The following ALG9 variants were observed in gnomAD, a reference collection of about 807,000 sequenced individuals.
ALG9 encodes the protein alpha-1,2-mannosyltransferase ALG9.
A neutral mutation model predicts 81.8 loss-of-function variants in ALG9; 55 were observed. The observed-to-expected ratio is 0.67, with a 90% CI of 0.54 to 0.84. ALG9 has a LOEUF of 0.84. ALG9 is among the 40% of genes least tolerant of loss of function. ALG9 has a pLI of 0.00. For synonymous variants in ALG9, 278 were observed against 274.3 expected (o/e 1.01, Z -0.13); for missense variants, 629 against 745.0 (o/e 0.84, Z 1.81).
At chr11:111,840,340 T>C (rs1956028671) in intron 10 of ALG9, among the ~76,000 whole-genome samples, 1 of 152,206 alleles carries the variant, frequency 6.6e-6, no homozygotes, top group Admixed American at 6.5e-5. Context: ...CAAGTTTTGT[T>C]ATGATCTAGC....
intron 14 of ALG9, among the ~76,000 whole-genome samples, chr11:111,801,020 T>C (rs563965487): frequency 6.6e-6 from 1 of 152,364 alleles, no homozygotes; most frequent in Non-Finnish European, 1.5e-5. Flanking sequence ...CCTTTTTCTT[T>C]TCTCAGAAAG....
Position 111,870,382 on chromosome 11 carries a change from C to T in ALG9, c.132-12G>A, listed in dbSNP as rs546089281. 17 of 973,964 alleles carry T rather than the reference C, an allele frequency of 1.7e-5. No homozygotes were observed. The highest frequency in any genetic ancestry group is 2.0e-5 in the Non-Finnish European group (16 of 803,392). 60.3% of individuals were successfully genotyped at this position (973,964 alleles called of 1,614,324 possible). Reference sequence around the variant, plus strand: ...TGTTCCCAGATAACCTGTTCAAAAGCAAAAAAAAAAAAAAAAAAAAAAGCA... The same window carrying T: ...TGTTCCCAGATAACCTGTTCAAAAGTAAAAAAAAAAAAAAAAAAAAAAGCA... On this transcript the variant is annotated splice_polypyrimidine_tract_variant and intron_variant, in intron 1 of 14. Transcript: ENST00000616540.
At position 111,786,528 on chromosome 11, in the gene ALG9, A is replaced by G; in HGVS notation, c.1734-8T>C. 1 of 1,613,836 alleles carries G rather than the reference A, an allele frequency of 6.2e-7. No homozygotes were observed. The highest frequency in any genetic ancestry group is 8.5e-7 in the Non-Finnish European group (1 of 1,179,810). Reference sequence around the variant, plus strand: ...CGCAGCAGCTTTGAAGATCTGAAAAACAAGGGATAAAAAAAAGAATTTTAT... The same window carrying G: ...CGCAGCAGCTTTGAAGATCTGAAAAGCAAGGGATAAAAAAAAGAATTTTAT... On this transcript the variant is annotated splice_region_variant and splice_polypyrimidine_tract_variant and intron_variant, in intron 14 of 14. Transcript: ENST00000616540.
chr11:111,870,106 T>TC, intron 2 of ALG9, 126 bp downstream of exon 2: 1 of 1,206,106 alleles, frequency 8.3e-7, no homozygotes, highest in East Asian at 2.9e-5. Flanking sequence ...TTTTTTGTTT[T>TC]TTTTTTTAAG....
intron 9 of ALG9, among the ~76,000 whole-genome samples, chr11:111,843,089 T>C (rs1308728129): frequency 3.9e-5 from 6 of 152,138 alleles, no homozygotes; most frequent in Non-Finnish European, 5.9e-5. Flanking sequence ...CCAGCTATCA[T>C]AAATTATTTT....
At position 111,785,755 on chromosome 11, in the gene ALG9, A is replaced by G. The variant is rs566422482; in HGVS notation, c.*642T>C. The G allele has an allele frequency of 2.1e-5, 5 of 233,856 alleles. No individual in the cohort carries two copies. In the South Asian group the frequency reaches 2.3e-4, roughly 11 times the overall value. 14.5% of individuals were successfully genotyped at this position (233,856 alleles called of 1,614,324 possible). On this transcript the variant is annotated 3_prime_UTR_variant, in exon 15 of 15. Transcript: ENST00000616540. Reference sequence around the variant, plus strand: ...AAATGAAAATTAGAGGCATCATTATAATAAAATTAGGTCACAGTTCCTCAA... The same window carrying G: ...AAATGAAAATTAGAGGCATCATTATGATAAAATTAGGTCACAGTTCCTCAA...
intron 14 of ALG9, chr11:111,788,368 G>A (rs782618947): frequency 2.0e-5 from 9 of 453,534 alleles, no homozygotes; most frequent in Non-Finnish European, 4.0e-5. Flanking sequence ...ATAGAGAAAG[G>A]AGGTTTGGAG....
At chr11:111,805,316 C>T (rs1555084088) in intron 14 of ALG9, 1 of 456,130 alleles carries the variant, frequency 2.2e-6, no homozygotes, top group African/African-American at 2.0e-5. Context: ...GCCTTCAAAA[C>T]TGTGAGAAGT....
At position 111,857,685 on chromosome 11, in the gene ALG9, T is replaced by C. The variant is rs1013175160; in HGVS notation, c.618A>G (p.Gly206=). The C allele has an allele frequency of 3.1e-6, 5 of 1,613,956 alleles. No individual in the cohort carries two copies. In the Admixed American group the frequency reaches 5.0e-5, roughly 16 times the overall value. The change falls in exon 6 of 15, where the codon GGA becomes GGG. Residue 206 remains glycine, a synonymous_variant. Transcript: ENST00000616540. ...CMYTTLIAMT[G]WYMDKTSIAV... ...CAATGGAAGTCTTGTCCATATACCA[T>C]CCAGTCATGGCTATCAACGTAGTGT...
intron 13 of ALG9, among the ~76,000 whole-genome samples, chr11:111,822,514 C>A (rs182894120): frequency 6.4e-4 from 96 of 150,852 alleles, no homozygotes; most frequent in Admixed American, 5.8e-3. Context: ...GAGTTTAAGA[C>A]CAACCTGGGC....
chr11:111,788,698 A>G, intron 14 of ALG9: 1 of 344,748 alleles, frequency 2.9e-6, no homozygotes, highest in East Asian at 8.5e-5. Flanking sequence ...GGCTGCAGTG[A>G]GCTGTGATCA....
intron 14 of ALG9, among the ~76,000 whole-genome samples, chr11:111,799,792 C>A (rs1280491945): frequency 6.6e-6 from 1 of 152,128 alleles, no homozygotes. Flanking sequence ...TATAGATTAC[C>A]TTACATAAAA....
chr11:111,839,356 C>G (rs12293964), intron 10 of ALG9, among the ~76,000 whole-genome samples: 2 of 151,870 alleles, frequency 1.3e-5, no homozygotes, highest in Non-Finnish European at 2.9e-5. Flanking sequence ...GAGGCCGAGA[C>G]GGGAGGATCA....
At chr11:111,790,849 G>T (rs927524694) in intron 14 of ALG9, among the ~76,000 whole-genome samples, 1 of 152,174 alleles carries the variant, frequency 6.6e-6, no homozygotes, top group East Asian at 1.9e-4. Context: ...AACAGATATT[G>T]CCAGTGAAAG....
chr11:111,808,046 G>T (rs1011855576), intron 14 of ALG9, among the ~76,000 whole-genome samples: 17 of 152,140 alleles, frequency 1.1e-4, no homozygotes, highest in African/African-American at 4.1e-4. Context: ...TTCCAGCGTC[G>T]TGACAGAGTG....
intron 1 of ALG9, among the ~76,000 whole-genome samples, 192 bp from the exon 2 acceptor site, chr11:111,870,562 A>G (rs1964010570): frequency 6.6e-6 from 1 of 152,052 alleles, no homozygotes; most frequent in Non-Finnish European, 1.5e-5. Flanking sequence ...TTTTTAAGAA[A>G]AAATTTTTAT....
rs1950428532 is a variant in ALG9, at chr11:111,809,698, A to G, written c.1678T>C (p.Ser560Pro). 8 of 1,614,150 alleles carry G rather than the reference A, an allele frequency of 5.0e-6. No individual in the cohort carries two copies. Among genetic ancestry groups the G allele is most frequent in the Admixed American group, 1.7e-5 (1 of 60,020 alleles). Reference sequence around the variant, plus strand: ...AAGCTGATCCATTCTTCTTTATTGGATGAATATTTTGGCTCCCGGGGTGTT... The same window carrying G: ...AAGCTGATCCATTCTTCTTTATTGGGTGAATATTTTGGCTCCCGGGGTGTT... The part of the protein sequence containing the change: ...RETPREPKYS[S>P]NKEEWISLAY... Residue 560 changes from serine (S) to proline (P), a missense_variant, in exon 14 of 15, where the codon TCC becomes CCC. Around this residue, in one of 3 missense-constraint regions of ALG9, gnomAD observed 264 missense variants for 302.2 expected, o/e 0.87. Transcript: ENST00000616540.
chr11:111,870,787 A>G (rs1366686315), intron 1 of ALG9: 2 of 1,006,942 alleles, frequency 2.0e-6, no homozygotes, highest in African/African-American at 3.5e-5. Context: ...GAAGGCCACA[A>G]AGCTGTCATT....
chr11:111,792,854 C>T lies in ALG9; in HGVS notation c.1734-6334G>A, dbSNP rs1160137849. ...TTCTCCTGCAGATTCTGGCTGTGAT[C>T]TTTAGTAGCATTATCTATCTATATC... On this transcript the variant is annotated intron_variant, in intron 14 of 14. Transcript: ENST00000616540. Among the ~76,000 whole-genome samples, 3 of 152,310 alleles carry T rather than the reference C, an allele frequency of 2.0e-5. No individual in the cohort carries two copies. In the East Asian group the frequency reaches 5.8e-4, roughly 29 times the overall value.
Sources: gnomAD v4.1 joint callset for allele counts (sites outside exome capture counted in the v4.1 genomes callset) on GRCh38, gnomAD v4.1.1 for gene constraint, gnomAD v4.1.1 regional missense constraint, MANE v1.5 for transcripts, NCBI Gene and HGNC (gene_info 2026-07-23, HGNC 2026-07-21) for gene names.